The following GSK3B variants were observed in gnomAD, a reference collection of about 807,000 sequenced individuals.
GSK3B encodes glycogen synthase kinase-3 beta.
A neutral mutation model predicts 56.4 loss-of-function variants in GSK3B; 15 were observed. That is an observed-to-expected ratio of 0.27 (90% confidence interval 0.18 to 0.41). GSK3B has a LOEUF of 0.41. Ranked by LOEUF, GSK3B falls within the 10% of genes least tolerant of loss-of-function variation. The pLI is 1.00. For missense variants in GSK3B, 300 were observed against 513.4 expected (o/e 0.58, Z 4.02); for synonymous variants, 181 against 188.9 (o/e 0.96, Z 0.34).
chr3:119,855,650 TA>T (rs1203530708), intron 9 of GSK3B, among the ~76,000 whole-genome samples: 1 of 152,106 alleles, frequency 6.6e-6, no homozygotes, highest in Non-Finnish European at 1.5e-5. Context: ...TATGCAGCCA[TA>T]AAAAAGGATG....
chr3:119,852,877 T>A (rs1411910988), intron 9 of GSK3B, among the ~76,000 whole-genome samples: 5 of 152,244 alleles, frequency 3.3e-5, no homozygotes, highest in South Asian at 4.1e-4. Flanking sequence ...GTAGGTTGCC[T>A]GTTCACTCTG....
intron 1 of GSK3B, among the ~76,000 whole-genome samples, chr3:120,055,723 T>C (rs372680081): frequency 1.2e-4 from 19 of 152,314 alleles, no homozygotes; most frequent in African/African-American, 4.1e-4. Context: ...AAAGCAGATA[T>C]GTCTACTGTT....
chr3:119,853,953 T>A (rs1356158728), intron 9 of GSK3B, among the ~76,000 whole-genome samples: 2 of 152,220 alleles, frequency 1.3e-5, no homozygotes, highest in Non-Finnish European at 2.9e-5. Context: ...CTTCCAACGC[T>A]ATGTTGAATA....
intron 1 of GSK3B, among the ~76,000 whole-genome samples, chr3:120,049,846 C>T (rs529001589): frequency 6.6e-6 from 1 of 152,232 alleles, no homozygotes; most frequent in African/African-American, 2.4e-5. Context: ...GTCACAACTA[C>T]AAAATTCTGC....
At chr3:119,903,930 C>T (rs1443702220) in intron 7 of GSK3B, among the ~76,000 whole-genome samples, 3 of 152,068 alleles carry the variant, frequency 2.0e-5, no homozygotes, top group Admixed American at 6.6e-5. Flanking sequence ...GAAACTACAG[C>T]CCATTGTCTG....
intron 3 of GSK3B, among the ~76,000 whole-genome samples, chr3:119,924,740 G>C (rs2056874478): frequency 6.6e-6 from 1 of 152,216 alleles, no homozygotes; most frequent in African/African-American, 2.4e-5. Flanking sequence ...ACAAACAACA[G>C]GAATAGTCTG....
chr3:119,842,496 C>T (rs534907581), intron 10 of GSK3B, among the ~76,000 whole-genome samples: 26 of 151,756 alleles, frequency 1.7e-4, no homozygotes, highest in Middle Eastern at 3.4e-3. Flanking sequence ...AATTTACATT[C>T]GAGGGGAAAA....
chr3:119,822,889 A>G lies in GSK3B; in HGVS notation c.*3899T>C. ...GAAGATTCCAAAGTTAAATCCTTTAAAAAGGAAAGGGAAAAATAGATGAAA... is the reference window on the plus strand; with the variant it reads ...GAAGATTCCAAAGTTAAATCCTTTAGAAAGGAAAGGGAAAAATAGATGAAA... On this transcript the variant is annotated 3_prime_UTR_variant, in exon 11 of 11. Transcript: ENST00000264235. 1 of 228,458 alleles carries G rather than the reference A, an allele frequency of 4.4e-6. No individual in the cohort carries two copies. Among genetic ancestry groups the G allele is most frequent in the Non-Finnish European group, 8.7e-6 (1 of 114,978 alleles). The allele number at this position is 228,458 out of a possible 1,614,324, so 14.2% of individuals were successfully genotyped here. A position where few individuals can be genotyped will look rare whatever the true frequency, so the allele number is the denominator to read the frequency against.
At chr3:119,884,951 C>T (rs1486277260) in intron 7 of GSK3B, among the ~76,000 whole-genome samples, 1 of 152,056 alleles carries the variant, frequency 6.6e-6, no homozygotes, top group Non-Finnish European at 1.5e-5. Context: ...TGCCCACTCA[C>T]CACTCCTATT....
chr3:119,932,021 C>T (rs2056950592), intron 3 of GSK3B, among the ~76,000 whole-genome samples: 1 of 152,148 alleles, frequency 6.6e-6, no homozygotes, highest in African/African-American at 2.4e-5. Context: ...GTAACAACAA[C>T]TCAACAACAG....
chr3:120,039,920 G>T (rs960115717), intron 1 of GSK3B, among the ~76,000 whole-genome samples: 1 of 152,226 alleles, frequency 6.6e-6, no homozygotes, highest in Non-Finnish European at 1.5e-5. Flanking sequence ...CTCTGGGAAA[G>T]GGTCTTGGTC....
At chr3:120,088,175 AGCCACCGT>A (rs1441283465) in intron 1 of GSK3B, among the ~76,000 whole-genome samples, 1 of 152,226 alleles carries the variant, frequency 6.6e-6, no homozygotes, top group Non-Finnish European at 1.5e-5. Flanking sequence ...TACAGGCGTG[AGCCACCGT>A]GCCAGCCGAA....
At chr3:120,072,838 G>A (rs1181972385) in intron 1 of GSK3B, among the ~76,000 whole-genome samples, 1 of 152,168 alleles carries the variant, frequency 6.6e-6, no homozygotes, top group African/African-American at 2.4e-5. Context: ...ACAGAGGCAG[G>A]TGAAGTGTTA....
intron 2 of GSK3B, among the ~76,000 whole-genome samples, chr3:119,983,419 TAA>T (rs2057483392): frequency 6.6e-6 from 1 of 151,566 alleles, no homozygotes; most frequent in African/African-American, 2.4e-5. Context: ...GCAAATTGGA[TAA>T]AGAGTCAAGA....
At chr3:120,022,151 T>C (rs145858847) in intron 1 of GSK3B, among the ~76,000 whole-genome samples, 7 of 152,316 alleles carry the variant, frequency 4.6e-5, no homozygotes, top group East Asian at 1.9e-4. Context: ...TTTTAAACAA[T>C]TGGCACAGCC....
intron 1 of GSK3B, among the ~76,000 whole-genome samples, chr3:120,025,697 A>G (rs575382147): frequency 4.5e-4 from 69 of 152,180 alleles, no homozygotes; most frequent in Non-Finnish European, 8.8e-4. Flanking sequence ...ACTCAAGGAT[A>G]AAAAAGAGTC....
At chr3:120,049,537 A>G (rs921656475) in intron 1 of GSK3B, among the ~76,000 whole-genome samples, 1 of 152,250 alleles carries the variant, frequency 6.6e-6, no homozygotes, top group Non-Finnish European at 1.5e-5. Flanking sequence ...AGGCAGAGGT[A>G]AAAGCATATA....
chr3:119,959,374 T>C (rs979549500), intron 2 of GSK3B, among the ~76,000 whole-genome samples: 5 of 152,124 alleles, frequency 3.3e-5, no homozygotes, highest in African/African-American at 1.2e-4. Context: ...ACTTGACATG[T>C]TATAAGTAAA....
intron 8 of GSK3B, among the ~76,000 whole-genome samples, chr3:119,869,698 G>A (rs2056228684): frequency 6.6e-6 from 1 of 152,182 alleles, no homozygotes; most frequent in Admixed American, 6.5e-5. Context: ...GACTTTTAGT[G>A]AAACGTATAA....
Sources: gnomAD v4.1 joint callset for allele counts (sites outside exome capture counted in the v4.1 genomes callset) on GRCh38, gnomAD v4.1.1 for gene constraint, MANE v1.5 for transcripts, NCBI Gene and HGNC (gene_info 2026-07-23, HGNC 2026-07-21) for gene names.